COBLL1: variants seen among roughly 807,000 people sequenced by gnomAD.
The protein encoded by COBLL1 is cordon-bleu WH2 repeat protein like 1.
A neutral mutation model predicts 94.8 loss-of-function variants in COBLL1; 50 were observed. The ratio of observed to expected loss-of-function variants is 0.53; its 90% CI spans 0.42 to 0.67. The LOEUF (loss-of-function observed/expected upper bound fraction) is 0.67, where lower values mean the gene tolerates loss of function less well. Ranked by LOEUF, COBLL1 falls within the 30% of genes least tolerant of loss-of-function variation. The pLI is 0.00. For missense variants in COBLL1, 1,362 were observed against 1,348.7 expected (o/e 1.01, Z -0.15); for synonymous variants, 448 against 473.8 (o/e 0.95, Z 0.71).
intron 2 of COBLL1, among the ~76,000 whole-genome samples, chr2:164,840,237 C>A (rs1453200106): frequency 6.6e-6 from 1 of 151,504 alleles, no homozygotes; most frequent in Non-Finnish European, 1.5e-5. Flanking sequence ...TAGGGCATTT[C>A]TGCATTCAGA....
intron 2 of COBLL1, among the ~76,000 whole-genome samples, chr2:164,663,460 C>T (rs1691102081): frequency 6.6e-6 from 1 of 152,156 alleles, no homozygotes; most frequent in South Asian, 2.1e-4. Context: ...CCAGCACTCC[C>T]ATTACTGCAT....
At chr2:164,781,708 A>C (rs1379519451) in intron 2 of COBLL1, among the ~76,000 whole-genome samples, 1 of 152,214 alleles carries the variant, frequency 6.6e-6, no homozygotes, top group Non-Finnish European at 1.5e-5. Context: ...AGTCAAATTT[A>C]ATTTGAAATT....
chr2:164,695,646 T>C lies in COBLL1; in HGVS notation c.1746A>G (p.Ala582=), dbSNP rs1350413743. 1 of 1,613,808 alleles carries C rather than the reference T, an allele frequency of 6.2e-7. No individual in the cohort carries two copies. The highest frequency in any genetic ancestry group is 1.3e-5 in the African/African-American group (1 of 74,898). Residue 582 remains alanine (A), a synonymous_variant, in exon 12 of 14, where the codon GCA becomes GCG. Coordinates refer to ENST00000652658, the MANE Select transcript of COBLL1 (RefSeq NM_001365672.2). The part of the protein sequence containing the change: ...TAISYKENHL[A]ASSVPDQKLN... The stretch of plus-strand genomic sequence containing the variant: ...GTTTTTGATCTGGTACTGATGAAGC[T>C]GCTAGATGGTTTTCCTTGTAACTTA...
chr2:164,675,908 C>T (rs1341839322), downstream of COBLL1, among the ~76,000 whole-genome samples: 1 of 152,134 alleles, frequency 6.6e-6, no homozygotes, highest in African/African-American at 2.4e-5. Context: ...ATATGGTGAA[C>T]TGTGACAGCA....
At chr2:164,666,326 T>C (rs913702144) in intron 1 of COBLL1, among the ~76,000 whole-genome samples, 14 of 152,152 alleles carry the variant, frequency 9.2e-5, no homozygotes, top group Admixed American at 9.2e-4. Context: ...AATAACATTA[T>C]GTCTAAAAAA....
At chr2:164,826,976 G>A (rs773667509) in intron 2 of COBLL1, among the ~76,000 whole-genome samples, 19 of 151,244 alleles carry the variant, frequency 1.3e-4, no homozygotes, top group Non-Finnish European at 2.4e-4. Context: ...TTTGAGACAG[G>A]GTCTCGCTCT....
intron 13 of COBLL1, among the ~76,000 whole-genome samples, chr2:164,690,756 C>A (rs1353904879): frequency 6.6e-6 from 1 of 152,200 alleles, no homozygotes; most frequent in East Asian, 1.9e-4. Flanking sequence ...TATTCATTTT[C>A]ATGTTCTCAG....
chr2:164,772,611 C>A (rs1688261463), intron 2 of COBLL1, among the ~76,000 whole-genome samples: 2 of 152,046 alleles, frequency 1.3e-5, no homozygotes, highest in South Asian at 4.1e-4. Context: ...CTTTATACCA[C>A]AAAACAATGT....
intron 2 of COBLL1, among the ~76,000 whole-genome samples, chr2:164,778,653 C>A (rs567106791): frequency 1.3e-5 from 2 of 152,186 alleles, no homozygotes; most frequent in African/African-American, 4.8e-5. Flanking sequence ...TTTAGGTTAT[C>A]TAAAATCAGT....
At chr2:164,754,763 T>A (rs1047142884) in intron 2 of COBLL1, among the ~76,000 whole-genome samples, 3 of 152,242 alleles carry the variant, frequency 2.0e-5, no homozygotes, top group African/African-American at 7.2e-5. Flanking sequence ...TAAATTCTTT[T>A]AGGACCTTGT....
intron 13 of COBLL1, among the ~76,000 whole-genome samples, chr2:164,690,429 C>T (rs746363568): frequency 1.3e-5 from 2 of 152,102 alleles, no homozygotes; most frequent in East Asian, 1.9e-4. Context: ...ATTTATTGCC[C>T]GCTTTTTATG....
chr2:164,722,433 G>T lies in COBLL1; in HGVS notation c.751C>A (p.Arg251=). 1 of 1,516,570 alleles carries T rather than the reference G, an allele frequency of 6.6e-7. No homozygotes were observed. The highest frequency in any genetic ancestry group is 1.4e-5 in the African/African-American group (1 of 71,396). 93.9% of individuals were successfully genotyped at this position (1,516,570 alleles called of 1,614,324 possible). ...FSFFQRSKKK[R]DQTASAPATP... ...TATAAGAAAATACTTACTTGGTCTC[G>T]CTTTTTCTTACTGCGTTGAAAAAAA... Residue 251 remains arginine (R), a synonymous_variant, in exon 6 of 14, where the codon CGA becomes AGA. Coordinates refer to ENST00000652658, the MANE Select transcript of COBLL1 (RefSeq NM_001365672.2).
In COBLL1 at chr2:164,722,425, T is replaced by A; in HGVS notation, c.759A>T (p.Gln253His). 6.6e-7 allele frequency: 1 copy of A among 1,514,458 alleles called. No homozygotes were observed. The highest frequency in any genetic ancestry group is 8.9e-7 in the Non-Finnish European group (1 of 1,127,998). The allele number at this position is 1,514,458 out of a possible 1,614,324, so 93.8% of individuals were successfully genotyped here. ...FFQRSKKKRD[Q>H]TASAPATPLV... ...AAATGCAATATAAGAAAATACTTACTTGGTCTCGCTTTTTCTTACTGCGTT... is the reference window on the plus strand; with the variant it reads ...AAATGCAATATAAGAAAATACTTACATGGTCTCGCTTTTTCTTACTGCGTT... The change falls in exon 6 of 14, where the codon CAA (glutamine) becomes CAT (histidine). Residue 253 changes from glutamine (Q) to histidine (H), a missense_variant and splice_region_variant. By Grantham distance (24) the Gln-to-His change is conservative (BLOSUM62 0). Coordinates refer to ENST00000652658, the MANE Select transcript of COBLL1 (RefSeq NM_001365672.2).
At chr2:164,723,828 T>A (rs1429645742) in intron 5 of COBLL1, 1 of 152,194 alleles carries the variant, frequency 6.6e-6, no homozygotes, top group Admixed American at 6.5e-5. Flanking sequence ...AATCTCACTC[T>A]GTCGCCCAGG....
intron 2 of COBLL1, among the ~76,000 whole-genome samples, chr2:164,815,611 G>T (rs1684693400): frequency 6.6e-6 from 1 of 152,082 alleles, no homozygotes; most frequent in Admixed American, 6.5e-5. Context: ...TGTGGTTGTT[G>T]CAGGAGGATG....
At chr2:164,693,918 G>C (rs1357319740) in intron 12 of COBLL1, among the ~76,000 whole-genome samples, 1 of 151,960 alleles carries the variant, frequency 6.6e-6, no homozygotes, top group East Asian at 1.9e-4. Flanking sequence ...TAAAATTGGA[G>C]AATAAACCAG....
At chr2:164,665,486 A>T (rs1558901964) in intron 2 of COBLL1, among the ~76,000 whole-genome samples, 1 of 151,852 alleles carries the variant, frequency 6.6e-6, no homozygotes, top group Non-Finnish European at 1.5e-5. Flanking sequence ...AAGACATGGC[A>T]TAATTTTTGA....
intron 2 of COBLL1, among the ~76,000 whole-genome samples, chr2:164,808,222 G>A (rs894147581): frequency 6.6e-6 from 1 of 152,116 alleles, no homozygotes; most frequent in Admixed American, 6.6e-5. Context: ...TCTGTAATTA[G>A]TTTTACAACC....
chr2:164,747,794 G>A (rs1686942218), intron 2 of COBLL1, among the ~76,000 whole-genome samples: 1 of 152,056 alleles, frequency 6.6e-6, no homozygotes, highest in Non-Finnish European at 1.5e-5. Flanking sequence ...AGACTTCTAG[G>A]AAAAACATCC....
Sources: allele counts gnomAD v4.1 joint callset (sites outside exome capture counted in the v4.1 genomes callset), GRCh38; gene constraint gnomAD v4.1.1; transcripts MANE v1.5; gene names NCBI Gene and HGNC (gene_info 2026-07-23, HGNC 2026-07-21).